Variants in ZNF605 observed in about 807,000 individuals in gnomAD.
ZNF605 encodes zinc finger protein 605.
Under a neutral mutation model 7.9 loss-of-function variants are expected in ZNF605, and 9 were observed. The ratio of observed to expected loss-of-function variants is 1.14; its 90% confidence interval spans 0.68 to 1.98. The LOEUF (loss-of-function observed/expected upper bound fraction) is 1.98. Among genes scored for constraint, ZNF605 ranks in the 30% most tolerant of loss-of-function variants. ZNF605 has a pLI of 0.00. For missense variants in ZNF605, 673 were observed against 762.4 expected (o/e 0.88, Z 1.38); for synonymous variants, 255 against 260.1 (o/e 0.98, Z 0.19).
At chr12:132,954,449 A>AGGAGAAGGGTGGGGAGGGGG (rs1952612634) in intron 1 of ZNF605, among the ~76,000 whole-genome samples, 1 of 2,212 alleles carries the variant, frequency 4.5e-4, no homozygotes, top group Non-Finnish European at 9.6e-4. Flanking sequence ...TAGGGAGGGG[A>AGGAGAAGGGTGGGGAGGGGG]GGAGAAGGGT....
At chr12:132,940,448 C>T (rs1422266816) in intron 3 of ZNF605, among the ~76,000 whole-genome samples, 1 of 152,204 alleles carries the variant, frequency 6.6e-6, no homozygotes, top group Non-Finnish European at 1.5e-5. Context: ...CTGCCCTCCC[C>T]ACAACGGACG....
intron 4 of ZNF605, among the ~76,000 whole-genome samples, chr12:132,930,344 T>A (rs949253215): frequency 3.9e-5 from 6 of 152,208 alleles, no homozygotes; most frequent in Non-Finnish European, 1.5e-5. Flanking sequence ...CACCAAAATG[T>A]CATTCTGATG....
rs1952196859 is a variant in ZNF605 at position 132,920,626 on chromosome 12, T to C, written c.*4747A>G. The C allele has an allele frequency of 6.6e-6, 1 of 152,202 alleles. No homozygotes were observed. The highest frequency in any genetic ancestry group is 6.5e-5 in the Admixed American group (1 of 15,270). 9.4% of individuals were successfully genotyped at this position (152,202 alleles called of 1,614,324 possible). A position where few individuals can be genotyped will look rare whatever the true frequency, so the allele number is the denominator to read the frequency against. On this transcript the variant is annotated 3_prime_UTR_variant, in exon 5 of 5. Coordinates refer to ENST00000360187, the MANE Select transcript of ZNF605 (RefSeq NM_183238.4). ...TAAATAATTTAAATTAATATGGTGA[T>C]GGAGTGTGTGGCGTTGGAAGAAAAC...
intron 4 of ZNF605, among the ~76,000 whole-genome samples, chr12:132,930,703 C>T (rs763103588): frequency 1.4e-4 from 21 of 152,166 alleles, no homozygotes; most frequent in Non-Finnish European, 2.8e-4. Flanking sequence ...AAAGTTATTT[C>T]ATGACTCATT....
Position 132,925,347 on chromosome 12 carries a change from T to G in ZNF605, c.*26A>C. Reference sequence around the variant, plus strand: ...AAAGTATGACACTTGATAGCAACCTTTCTGCATTCGCCAAAGTCATGATTT... The same window carrying G: ...AAAGTATGACACTTGATAGCAACCTGTCTGCATTCGCCAAAGTCATGATTT... On this transcript the variant is annotated 3_prime_UTR_variant, in exon 5 of 5. Transcript: ENST00000360187. 1 of 1,516,346 alleles carries G rather than the reference T, an allele frequency of 6.6e-7. No homozygotes were observed. Among genetic ancestry groups the G allele is most frequent in the Non-Finnish European group, 8.9e-7 (1 of 1,122,518 alleles). The allele number at this position is 1,516,346 out of a possible 1,614,324, so 93.9% of individuals were successfully genotyped here.
rs1012782871 is a variant in ZNF605 at position 132,926,389 on chromosome 12, T to C, written c.910A>G (p.Thr304Ala). Residue 304 changes from threonine (T) to alanine (A), a missense_variant, in exon 5 of 5, where the codon ACA becomes GCA. Thr to Ala is a moderately conservative substitution (Grantham distance 58, BLOSUM62 0). Coordinates refer to ENST00000360187, the MANE Select transcript of ZNF605 (RefSeq NM_183238.4). ...CTACATGGATAGGGTTTCTCTCCTG[T>C]GTGCGCTCTCTGATGTGTGATGAGT... ...LKLITHQRAH[T>A]GEKPYPCSHC... 5.0e-6 allele frequency: 8 copies of C among 1,614,212 alleles called. No individual in the cohort carries two copies. Among genetic ancestry groups the C allele is most frequent in the Non-Finnish European group, 6.8e-6 (8 of 1,180,028 alleles).
rs1487992773 is a variant in ZNF605 at position 132,925,754 on chromosome 12, G to A, written c.1545C>T (p.Ala515=). The change falls in exon 5 of 5, where the codon GCC becomes GCT. Residue 515 remains alanine, a synonymous_variant. Coordinates refer to ENST00000360187, the MANE Select transcript of ZNF605 (RefSeq NM_183238.4). ...FECSECRKAF[A]WKPQLLRHQR... is the part of the protein sequence containing the mutation. ...GATGCCTAAGAAGCTGTGGCTTCCA[G>A]GCAAAAGCTTTCCTACATTCACTAC... 1.2e-6 allele frequency: 2 copies of A among 1,613,876 alleles called. No individual in the cohort carries two copies. The highest frequency in any genetic ancestry group is 2.2e-5 in the South Asian group (2 of 91,056).
chr12:132,939,219 A>G (rs1461866602), intron 3 of ZNF605, among the ~76,000 whole-genome samples: 1 of 152,158 alleles, frequency 6.6e-6, no homozygotes, highest in Non-Finnish European at 1.5e-5. Context: ...TGGGCTCCTG[A>G]GTCTGGTGGG....
At chr12:132,930,971 C>G (rs1319379650) in intron 4 of ZNF605, among the ~76,000 whole-genome samples, 2 of 152,152 alleles carry the variant, frequency 1.3e-5, no homozygotes, top group Non-Finnish European at 2.9e-5. Context: ...CACTTGAACC[C>G]AGAGTTTGAG....
intron 2 of ZNF605, among the ~76,000 whole-genome samples, chr12:132,946,942 A>T (rs1449556125): frequency 1.3e-5 from 2 of 152,298 alleles, no homozygotes; most frequent in East Asian, 3.9e-4. Context: ...GCAAATATAG[A>T]TTTAAAAGGA....
intron 1 of ZNF605, 85 bp from the exon 2 acceptor site, chr12:132,948,355 A>C (rs1952516873): frequency 6.6e-6 from 1 of 152,024 alleles, no homozygotes; most frequent in African/African-American, 2.4e-5. Context: ...CAATCCTGCC[A>C]AGCAACGTTT....
At chr12:132,934,980 C>T (rs1253280700) in intron 3 of ZNF605, among the ~76,000 whole-genome samples, 1 of 152,124 alleles carries the variant, frequency 6.6e-6, no homozygotes, top group African/African-American at 2.4e-5. Context: ...ACTCTCAAGG[C>T]AGCAGCATGA....
At chr12:132,931,601 A>C (rs1375144696) in intron 4 of ZNF605, among the ~76,000 whole-genome samples, 1 of 152,230 alleles carries the variant, frequency 6.6e-6, no homozygotes, top group African/African-American at 2.4e-5. Context: ...GTGAGGAAGA[A>C]TCTAGCTCAG....
chr12:132,929,947 A>G (rs889367078), intron 4 of ZNF605, among the ~76,000 whole-genome samples: 6 of 149,252 alleles, frequency 4.0e-5, no homozygotes, highest in African/African-American at 1.5e-4. Flanking sequence ...CCGTCTCAAA[A>G]TAAATAAATA....
chr12:132,951,403 TCA>T (rs1952564348), intron 1 of ZNF605, among the ~76,000 whole-genome samples: 2 of 145,326 alleles, frequency 1.4e-5, no homozygotes, highest in East Asian at 4.3e-4. Context: ...GATACGTACA[TCA>T]CACACACTCA....
Position 132,941,276 on chromosome 12 carries a change from G to A in ZNF605, c.15+4345C>T, listed in dbSNP as rs975908382. 1.8e-4 allele frequency among the ~76,000 whole-genome samples: 28 copies of A among 152,228 alleles called. No homozygotes were observed. The highest frequency in any genetic ancestry group is 1.0e-3 in the South Asian group (5 of 4,818). ...TGTGCTGCTTCTGCTCTCAGAAGACGGTGAACCACGGGAAACAGCTGTCCT... is the reference window on the plus strand; with the variant it reads ...TGTGCTGCTTCTGCTCTCAGAAGACAGTGAACCACGGGAAACAGCTGTCCT... On this transcript the variant is annotated intron_variant, in intron 3 of 4. Coordinates refer to ENST00000360187, the MANE Select transcript of ZNF605 (RefSeq NM_183238.4). The surrounding 1 kb of genome is among the most constrained non-coding windows in gnomAD (Gnocchi z 5.1).
chr12:132,954,980 C>T (rs1198923044), intron 1 of ZNF605, among the ~76,000 whole-genome samples: 1 of 152,124 alleles, frequency 6.6e-6, no homozygotes, highest in Admixed American at 6.6e-5. Context: ...ATAGGCCACC[C>T]CATACTCGCC....
At chr12:132,927,491 G>A (rs1188079117) in intron 4 of ZNF605, among the ~76,000 whole-genome samples, 2 of 151,936 alleles carry the variant, frequency 1.3e-5, no homozygotes, top group Non-Finnish European at 1.5e-5. Context: ...TCAGCCTCCT[G>A]AGTAGCTGGG....
chr12:132,935,518 G>C (rs1952354888), intron 3 of ZNF605, among the ~76,000 whole-genome samples: 1 of 151,984 alleles, frequency 6.6e-6, no homozygotes. Context: ...TCTATTTAGA[G>C]AAAGAGATCA....
Sources: allele counts gnomAD v4.1 joint callset (sites outside exome capture counted in the v4.1 genomes callset), GRCh38; gene constraint gnomAD v4.1.1; non-coding constraint Gnocchi (gnomAD v3.1); transcripts MANE v1.5; gene names NCBI Gene and HGNC (gene_info 2026-07-23, HGNC 2026-07-21).